GNA14: variants seen among roughly 807,000 people sequenced by gnomAD.
The protein encoded by GNA14 is G protein subunit alpha 14.
Under a neutral mutation model 42.0 loss-of-function variants are expected in GNA14, and 50 were observed. That is an observed-to-expected ratio of 1.19 (90% confidence interval 0.95 to 1.51). The LOEUF (loss-of-function observed/expected upper bound fraction) is 1.51, where lower values mean the gene tolerates loss of function less well. Among genes scored for constraint, GNA14 ranks in the 40% most tolerant of loss-of-function variants. The probability of loss-of-function intolerance (pLI) is 0.00; values close to 1 mark genes in which losing one functional copy is unlikely to be tolerated. For missense variants in GNA14, 473 were observed against 446.2 expected (o/e 1.06, Z -0.54); for synonymous variants, 173 against 163.1 (o/e 1.06, Z -0.46).
chr9:77,517,202 T>C (rs1837271413), intron 2 of GNA14, among the ~76,000 whole-genome samples: 1 of 152,228 alleles, frequency 6.6e-6, no homozygotes, highest in Non-Finnish European at 1.5e-5. Flanking sequence ...CTGTGAGGAC[T>C]TTCCTGCCCA....
intron 2 of GNA14, among the ~76,000 whole-genome samples, chr9:77,482,377 A>G (rs539110373): frequency 2.6e-5 from 4 of 152,292 alleles, no homozygotes; most frequent in East Asian, 3.9e-4. Flanking sequence ...AATGTTGAAT[A>G]TTGGTCCCCA....
intron 1 of GNA14, among the ~76,000 whole-genome samples, chr9:77,611,735 T>C (rs797017305): frequency 2.0e-5 from 3 of 152,296 alleles, no homozygotes; most frequent in African/African-American, 7.2e-5. Context: ...AAATAACTCA[T>C]TTTTCTGCTG....
At chr9:77,605,311 C>T (rs115912036) in intron 1 of GNA14, among the ~76,000 whole-genome samples, 10 of 152,314 alleles carry the variant, frequency 6.6e-5, no homozygotes, top group African/African-American at 1.4e-4. Flanking sequence ...TACTTCAACA[C>T]GTAAGTGCTT....
chr9:77,523,505 A>G (rs1394224074), intron 2 of GNA14, among the ~76,000 whole-genome samples: 2 of 151,930 alleles, frequency 1.3e-5, no homozygotes, highest in East Asian at 1.9e-4. Context: ...GGATCCAATC[A>G]CCTCCCAACA....
At chr9:77,615,882 A>G (rs1823806230) in intron 1 of GNA14, among the ~76,000 whole-genome samples, 1 of 151,540 alleles carries the variant, frequency 6.6e-6, no homozygotes, top group Non-Finnish European at 1.5e-5. Flanking sequence ...TTTTTTGGAG[A>G]AATCCCAAAG....
chr9:77,552,896 C>G (rs1453109002), intron 1 of GNA14, among the ~76,000 whole-genome samples: 3 of 152,160 alleles, frequency 2.0e-5, no homozygotes, highest in African/African-American at 7.2e-5. Context: ...ACTGTGCCAA[C>G]CAACAGAACA....
intron 2 of GNA14, among the ~76,000 whole-genome samples, chr9:77,457,118 G>A (rs1161077932): frequency 6.6e-6 from 1 of 152,210 alleles, no homozygotes. Context: ...CAGCCAGAAC[G>A]ACGTAGCTAG....
intron 2 of GNA14, among the ~76,000 whole-genome samples, chr9:77,438,434 A>C (rs775164400): frequency 2.4e-4 from 36 of 151,926 alleles, no homozygotes; most frequent in Non-Finnish European, 4.0e-4. Flanking sequence ...CCCCTGGCTA[A>C]TTTTTGTGTT....
intron 1 of GNA14, among the ~76,000 whole-genome samples, chr9:77,544,691 A>AT (rs1837699310): frequency 6.6e-6 from 1 of 151,408 alleles, no homozygotes; most frequent in Non-Finnish European, 1.5e-5. Flanking sequence ...AAAAAAAAAA[A>AT]GAAGGTTCAT....
intron 2 of GNA14, among the ~76,000 whole-genome samples, chr9:77,490,952 A>G (rs1031237833): frequency 5.3e-5 from 8 of 152,252 alleles, no homozygotes; most frequent in Non-Finnish European, 7.3e-5. Context: ...TCTCACAAGG[A>G]GAGAATCCTA....
At chr9:77,453,935 G>A (rs892935105) in intron 2 of GNA14, among the ~76,000 whole-genome samples, 4 of 152,222 alleles carry the variant, frequency 2.6e-5, no homozygotes, top group Admixed American at 6.5e-5. Context: ...GACTCCAGCC[G>A]ATTCCATAGC....
chr9:77,540,099 G>C (rs1224569252), intron 1 of GNA14, among the ~76,000 whole-genome samples: 1 of 152,090 alleles, frequency 6.6e-6, no homozygotes, highest in African/African-American at 2.4e-5. Flanking sequence ...TGTTGATGTA[G>C]ACATTTATTG....
At chr9:77,640,066 C>G (rs1317885921) in intron 1 of GNA14, among the ~76,000 whole-genome samples, 3 of 152,218 alleles carry the variant, frequency 2.0e-5, no homozygotes, top group African/African-American at 7.2e-5. Flanking sequence ...CTGGCCAGAA[C>G]TGATTGATCC....
At chr9:77,545,392 G>T (rs559625374) in intron 1 of GNA14, among the ~76,000 whole-genome samples, 2 of 152,272 alleles carry the variant, frequency 1.3e-5, no homozygotes, top group South Asian at 4.2e-4. Flanking sequence ...TCATTCTCTT[G>T]AAGTCCTTCT....
At chr9:77,531,580 C>A (rs1047813488) in intron 1 of GNA14, among the ~76,000 whole-genome samples, 2 of 152,100 alleles carry the variant, frequency 1.3e-5, no homozygotes, top group Non-Finnish European at 2.9e-5. Flanking sequence ...TTACCCCAAG[C>A]GAACATTAAT....
intron 1 of GNA14, among the ~76,000 whole-genome samples, chr9:77,583,432 A>G (rs1189271508): frequency 6.6e-6 from 1 of 152,220 alleles, no homozygotes; most frequent in Non-Finnish European, 1.5e-5. Flanking sequence ...ATTCCAAAAC[A>G]AAGGATTTCT....
chr9:77,498,125 G>A (rs1238011889), intron 2 of GNA14, among the ~76,000 whole-genome samples: 2 of 152,102 alleles, frequency 1.3e-5, no homozygotes, highest in Non-Finnish European at 2.9e-5. Context: ...TGTAATCCCA[G>A]CACTTTGGGA....
chr9:77,471,794 G>A (rs1836334297), intron 2 of GNA14, among the ~76,000 whole-genome samples: 2 of 152,094 alleles, frequency 1.3e-5, no homozygotes, highest in Admixed American at 1.3e-4. Flanking sequence ...TACCACACCT[G>A]GTGTTTAAGG....
intron 1 of GNA14, among the ~76,000 whole-genome samples, chr9:77,576,788 TA>T (rs35597917): frequency 1.5e-4 from 22 of 148,726 alleles, no homozygotes; most frequent in African/African-American, 2.7e-4. Context: ...GTTAAAAGGT[TA>T]AAAAAAAAAA....
Sources: allele counts gnomAD v4.1 joint callset (sites outside exome capture counted in the v4.1 genomes callset), GRCh38; gene constraint gnomAD v4.1.1; transcripts MANE v1.5; gene names NCBI Gene and HGNC (gene_info 2026-07-23, HGNC 2026-07-21).